JAKMIP3: variants seen among roughly 807,000 people sequenced by gnomAD.
JAKMIP3 encodes janus kinase and microtubule-interacting protein 3.
A neutral mutation model predicts 118.5 loss-of-function variants in JAKMIP3; 58 were observed. The observed-to-expected ratio is 0.49, with a 90% CI of 0.40 to 0.61. JAKMIP3 has a LOEUF of 0.61. Ranked by LOEUF, JAKMIP3 falls within the 20% of genes least tolerant of loss-of-function variation. JAKMIP3 has a pLI of 0.00. For synonymous variants in JAKMIP3, 486 were observed against 451.2 expected (o/e 1.08, Z -0.98); for missense variants, 950 against 1,109.0 (o/e 0.86, Z 2.04).
rs745462905 is a variant in JAKMIP3, at chr10:132,154,877, GTGA to G, written c.2220+896_2220+898del. Among the ~76,000 whole-genome samples, 74 of 102,620 alleles carry G rather than the reference GTGA, an allele frequency of 7.2e-4. 1 individual carries two copies. In the East Asian group the frequency reaches 7.7e-3, roughly 11 times the overall value. The allele number at this position is 102,620 out of a possible 152,430, so 67.3% of individuals were successfully genotyped here. A position where few individuals can be genotyped will look rare whatever the true frequency, so the allele number is the denominator to read the frequency against. ...GGTGGTGATGGTGGTGATAGTGGTG[GTGA>G]TGATGATGGTGATGATCGTGATCAT... On this transcript the variant is annotated intron_variant, in intron 19 of 23. Transcript: ENST00000684848.
At chr10:132,109,706 C>T (rs1018002826) in intron 2 of JAKMIP3, among the ~76,000 whole-genome samples, 1 of 152,154 alleles carries the variant, frequency 6.6e-6, no homozygotes, top group Non-Finnish European at 1.5e-5. Context: ...AGTTGACCTT[C>T]GAGTCTTCCT....
intron 1 of JAKMIP3, among the ~76,000 whole-genome samples, chr10:132,097,908 C>T (rs2044151105): frequency 1.6e-5 from 1 of 64,050 alleles, no homozygotes. Context: ...TCCCCTTCCC[C>T]TTCCCCTTCC....
intron 19 of JAKMIP3, among the ~76,000 whole-genome samples, chr10:132,159,424 C>T (rs1199081745): frequency 1.3e-5 from 1 of 76,650 alleles, no homozygotes; most frequent in Non-Finnish European, 2.4e-5. Context: ...CCTGTGGATG[C>T]CGGGGGTGTG....
intron 20 of JAKMIP3, among the ~76,000 whole-genome samples, chr10:132,164,147 C>T (rs1314222686): frequency 2.0e-5 from 3 of 152,240 alleles, no homozygotes; most frequent in Non-Finnish European, 2.9e-5. Context: ...GTTGGCCATG[C>T]TCTGCTGGCT....
chr10:132,180,772 T>TGTGTGTGTGC (rs2061284398), intron 23 of JAKMIP3, among the ~76,000 whole-genome samples: 2 of 63,678 alleles, frequency 3.1e-5, no homozygotes, highest in African/African-American at 8.2e-5. Context: ...TGTGTGTGCG[T>TGTGTGTGTGC]GTGTGTGTGT....
intron 1 of JAKMIP3, among the ~76,000 whole-genome samples, chr10:132,038,889 C>T (rs1250513276): frequency 6.6e-6 from 1 of 152,006 alleles, no homozygotes; most frequent in African/African-American, 2.4e-5. Flanking sequence ...TGGGTGTCCC[C>T]CTGTTAGGGT....
chr10:132,167,167 G>A (rs2058992460), intron 22 of JAKMIP3, 112 bp downstream of exon 22: 5 of 758,732 alleles, frequency 6.6e-6, no homozygotes, highest in African/African-American at 1.8e-5. Flanking sequence ...CAACTGGAAG[G>A]CGATGACCCA....
At chr10:132,172,187 G>T (rs912548251) in intron 23 of JAKMIP3, among the ~76,000 whole-genome samples, 3 of 152,124 alleles carry the variant, frequency 2.0e-5, no homozygotes, top group Admixed American at 6.5e-5. Context: ...TTTGTAGAAG[G>T]TTCCTCAGGA....
intron 23 of JAKMIP3, among the ~76,000 whole-genome samples, chr10:132,174,640 G>A (rs1484834059): frequency 2.0e-5 from 3 of 152,154 alleles, no homozygotes; most frequent in Admixed American, 6.5e-5. Context: ...CTAGGATTGG[G>A]TCTGCTGGAT....
chr10:132,063,131 C>T (rs535218265), upstream of JAKMIP3, among the ~76,000 whole-genome samples: 37 of 152,216 alleles, frequency 2.4e-4, no homozygotes, highest in African/African-American at 8.7e-4. Flanking sequence ...CAAGCTCCCC[C>T]AGAAAGGACA....
At chr10:132,178,861 A>C (rs1018648259) in intron 23 of JAKMIP3, among the ~76,000 whole-genome samples, 8 of 152,228 alleles carry the variant, frequency 5.3e-5, no homozygotes, top group African/African-American at 1.9e-4. Context: ...TCCAGCACAC[A>C]CAGACGGCAG....
At chr10:132,171,981 A>G (rs762869019) in intron 23 of JAKMIP3, among the ~76,000 whole-genome samples, 5 of 151,742 alleles carry the variant, frequency 3.3e-5, no homozygotes, top group Non-Finnish European at 5.9e-5. Context: ...ATCATGATAG[A>G]TTTTCAAAAC....
chr10:132,135,819 C>CT, intron 5 of JAKMIP3, 111 bp from the exon 6 acceptor site: 3 of 1,193,708 alleles, frequency 2.5e-6, no homozygotes, highest in Non-Finnish European at 3.5e-6. Context: ...AAGTAGAGGG[C>CT]TGGGGACTGC....
At chr10:132,121,078 G>T (rs529537008) in intron 3 of JAKMIP3, among the ~76,000 whole-genome samples, 9 of 152,316 alleles carry the variant, frequency 5.9e-5, no homozygotes, top group African/African-American at 1.7e-4. Flanking sequence ...AAGGTGGACT[G>T]GGGACAGGGG....
intron 1 of JAKMIP3, among the ~76,000 whole-genome samples, chr10:132,104,070 C>T (rs1194738713): frequency 2.0e-5 from 3 of 152,236 alleles, no homozygotes; most frequent in African/African-American, 7.2e-5. Flanking sequence ...CTCCTGGTTA[C>T]AGCTGGATAA....
intron 9 of JAKMIP3, among the ~76,000 whole-genome samples, chr10:132,139,411 TGTGA>T (rs769284767): frequency 1.2e-5 from 1 of 84,622 alleles, no homozygotes; most frequent in East Asian, 3.5e-4. Context: ...AGTGTGTATG[TGTGA>T]GTGTGTGTGT....
chr10:132,098,348 A>T (rs2044315034), intron 1 of JAKMIP3, among the ~76,000 whole-genome samples: 1 of 152,118 alleles, frequency 6.6e-6, no homozygotes, highest in Non-Finnish European at 1.5e-5. Flanking sequence ...GTACAAAGTG[A>T]AATGTGCTAG....
chr10:132,167,890 C>T (rs1388996735), intron 22 of JAKMIP3, 63 bp from the exon 23 acceptor site: 3 of 1,225,880 alleles, frequency 2.4e-6, no homozygotes, highest in South Asian at 1.3e-5. Flanking sequence ...CCTCGGCCCT[C>T]GCCCCTCACT....
chr10:132,179,204 A>G lies in JAKMIP3; in HGVS notation c.*1104-3153A>G, dbSNP rs767502891. 2.6e-5 allele frequency among the ~76,000 whole-genome samples: 4 copies of G among 152,088 alleles called. No homozygotes were observed. The highest frequency in any genetic ancestry group is 6.5e-5 in the Admixed American group (1 of 15,274). On this transcript the variant is annotated intron_variant, in intron 23 of 23. Coordinates refer to ENST00000684848, the MANE Select transcript of JAKMIP3 (RefSeq NM_001323087.2). This position sits in a 1 kb window ranked among gnomAD's most constrained non-coding sequence, Gnocchi z 4.3. ...TATCCTCGTTGCAGCCCAAGATAAA[A>G]TTACCCAGGCTTTCCCCTCCAGCGT...
Sources: gnomAD v4.1 joint callset for allele counts (sites outside exome capture counted in the v4.1 genomes callset) on GRCh38, gnomAD v4.1.1 for gene constraint, Gnocchi (gnomAD v3.1) non-coding constraint, MANE v1.5 for transcripts, NCBI Gene and HGNC (gene_info 2026-07-23, HGNC 2026-07-21) for gene names.